CACNG2: variants seen among roughly 807,000 people sequenced by gnomAD.
The protein encoded by CACNG2 is voltage-dependent calcium channel gamma-2 subunit.
A neutral mutation model predicts 25.9 loss-of-function variants in CACNG2; 3 were observed. The observed-to-expected ratio is 0.12, with a 90% CI of 0.05 to 0.30. The LOEUF is 0.30. CACNG2 is among the 10% of genes least tolerant of loss of function. The probability of loss-of-function intolerance (pLI) is 1.00; values close to 1 mark genes in which losing one functional copy is unlikely to be tolerated. For synonymous variants in CACNG2, 167 were observed against 173.3 expected (o/e 0.96, Z 0.29); for missense variants, 341 against 432.5 (o/e 0.79, Z 1.88).
Position 36,608,022 on chromosome 22 carries a change from G to A in CACNG2, c.212-20474C>T, listed in dbSNP as rs556126642. Among the ~76,000 whole-genome samples, 6 of 152,302 alleles carry A rather than the reference G, an allele frequency of 3.9e-5. No individual in the cohort carries two copies. In the South Asian group the frequency reaches 1.0e-3, roughly 26 times the overall value. On this transcript the variant is annotated intron_variant, in intron 1 of 3. Coordinates refer to ENST00000300105, the MANE Select transcript of CACNG2 (RefSeq NM_006078.5). The stretch of plus-strand genomic sequence containing the variant: ...GTAAGCATCTCCAACTTTGCACCTT[G>A]CTTGCTTTACCCTAGTTGGGCCCTG...
chr22:36,647,810 C>A (rs1398923113), intron 1 of CACNG2, among the ~76,000 whole-genome samples: 1 of 152,202 alleles, frequency 6.6e-6, no homozygotes, highest in Non-Finnish European at 1.5e-5. Context: ...TTGAGTCACA[C>A]ACTCTCCTAG....
chr22:36,694,941 C>A (rs1392674636), intron 1 of CACNG2, among the ~76,000 whole-genome samples: 2 of 152,286 alleles, frequency 1.3e-5, no homozygotes, highest in East Asian at 3.9e-4. Flanking sequence ...AAGAGCCAGG[C>A]ACAGAGGCTC....
chr22:36,628,047 A>T (rs181228496), intron 1 of CACNG2, among the ~76,000 whole-genome samples: 43 of 152,338 alleles, frequency 2.8e-4, no homozygotes, highest in Admixed American at 1.7e-3. Flanking sequence ...AAAAAAGGCA[A>T]ATAACTTTCA....
chr22:36,643,130 T>TTC (rs1228710861), intron 1 of CACNG2, among the ~76,000 whole-genome samples: 2 of 150,778 alleles, frequency 1.3e-5, no homozygotes, highest in Non-Finnish European at 3.0e-5. Flanking sequence ...CTTTTTCTCT[T>TTC]TCTCTCTCTC....
intron 1 of CACNG2, among the ~76,000 whole-genome samples, chr22:36,613,693 T>C (rs1042970828): frequency 2.6e-5 from 4 of 152,136 alleles, no homozygotes; most frequent in Admixed American, 6.5e-5. Context: ...CACAAGTCTT[T>C]ATATACAACC....
At chr22:36,686,521 T>C (rs1306285552) in intron 1 of CACNG2, among the ~76,000 whole-genome samples, 2 of 152,158 alleles carry the variant, frequency 1.3e-5, no homozygotes, top group Admixed American at 6.5e-5. Context: ...AGGCATGCAA[T>C]GGGCCTGCCT....
chr22:36,587,603 A>G (rs1603500935), intron 1 of CACNG2, 55 bp from the exon 2 acceptor site: 2 of 1,243,988 alleles, frequency 1.6e-6, no homozygotes, highest in Non-Finnish European at 1.2e-6. Flanking sequence ...GGGGGCGCTT[A>G]GGGCCCACCT....
intron 1 of CACNG2, among the ~76,000 whole-genome samples, chr22:36,674,503 AT>A (rs1432207984): frequency 5.3e-5 from 8 of 151,706 alleles, no homozygotes; most frequent in Admixed American, 4.6e-4. Flanking sequence ...TAATTTTTGT[AT>A]TTTCAGTACA....
rs113036804 is a variant in CACNG2 at position 36,653,380 on chromosome 22, G to A, written c.211+48986C>T. Among the ~76,000 whole-genome samples the A allele has an allele frequency of 3.0e-3, 397 of 130,372 alleles. 1 individual carries two copies. The highest frequency in any genetic ancestry group is 0.018 in the African/African-American group (388 of 21,050). 85.5% of individuals were successfully genotyped at this position (130,372 alleles called of 152,430 possible). ...AGTTGCTAACATTGAAAAATTGGGAGATGTCACATAAAACTTTGAATATTT... is the reference window on the plus strand; with the variant it reads ...AGTTGCTAACATTGAAAAATTGGGAAATGTCACATAAAACTTTGAATATTT... On this transcript the variant is annotated intron_variant, in intron 1 of 3. Transcript: ENST00000300105.
chr22:36,601,451 G>A (rs981010574), intron 1 of CACNG2, among the ~76,000 whole-genome samples: 2 of 152,194 alleles, frequency 1.3e-5, no homozygotes, highest in Middle Eastern at 3.4e-3. Flanking sequence ...TTTGGCTATT[G>A]TGAGTATTGC....
At chr22:36,632,222 G>A (rs982131561) in intron 1 of CACNG2, among the ~76,000 whole-genome samples, 2 of 151,866 alleles carry the variant, frequency 1.3e-5, no homozygotes, top group Non-Finnish European at 2.9e-5. Context: ...GGCTGCCCCA[G>A]ATGGTCTCTC....
At chr22:36,658,984 C>G (rs1384257020) in intron 1 of CACNG2, among the ~76,000 whole-genome samples, 2 of 151,998 alleles carry the variant, frequency 1.3e-5, no homozygotes, top group African/African-American at 4.8e-5. Context: ...CGGTGGCTCT[C>G]CGAAGTGTAT....
At chr22:36,612,828 C>A (rs1180979082) in intron 1 of CACNG2, among the ~76,000 whole-genome samples, 2 of 152,198 alleles carry the variant, frequency 1.3e-5, no homozygotes, top group African/African-American at 4.8e-5. Flanking sequence ...CCAAAGAAGT[C>A]TTTTGTCCTA....
At chr22:36,645,502 A>G (rs1461469852) in intron 1 of CACNG2, among the ~76,000 whole-genome samples, 1 of 146,056 alleles carries the variant, frequency 6.8e-6, no homozygotes, top group Non-Finnish European at 1.5e-5. Flanking sequence ...GCGCCACTGC[A>G]CTCCAGCCTG....
Position 36,626,080 on chromosome 22 carries a change from C to T in CACNG2, c.212-38532G>A, listed in dbSNP as rs142047159. On this transcript the variant is annotated intron_variant, in intron 1 of 3. Transcript: ENST00000300105. ...GAATACAGGTGCCCGCCACCATGCC[C>T]GGCTAACTTTTGTATTTTTAGTAGA... 8.9e-3 allele frequency among the ~76,000 whole-genome samples: 1,359 copies of T among 152,254 alleles called. 26 individuals are homozygous for T. The highest frequency in any genetic ancestry group is 0.03 in the African/African-American group (1,232 of 41,534).
At chr22:36,637,075 G>A (rs566334399) in intron 1 of CACNG2, among the ~76,000 whole-genome samples, 1 of 152,366 alleles carries the variant, frequency 6.6e-6, no homozygotes, top group Non-Finnish European at 1.5e-5. Flanking sequence ...AACATCTGCT[G>A]TGTGAGGCTC....
At chr22:36,620,562 A>G (rs185807529) in intron 1 of CACNG2, among the ~76,000 whole-genome samples, 19 of 152,372 alleles carry the variant, frequency 1.2e-4, no homozygotes, top group Non-Finnish European at 2.2e-4. Flanking sequence ...CTTATGAGTA[A>G]GACTCCCCAG....
chr22:36,595,868 G>A (rs946928252), intron 1 of CACNG2, among the ~76,000 whole-genome samples: 3 of 152,236 alleles, frequency 2.0e-5, no homozygotes, highest in African/African-American at 4.8e-5. Context: ...AAGGCCAAGG[G>A]CTGTGCCGTG....
chr22:36,640,153 T>C (rs1444080860), intron 1 of CACNG2, among the ~76,000 whole-genome samples: 1 of 152,088 alleles, frequency 6.6e-6, no homozygotes, highest in African/African-American at 2.4e-5. Context: ...CCAGTTAATA[T>C]AGTTGTGCCT....
Sources: gnomAD v4.1 joint callset for allele counts (sites outside exome capture counted in the v4.1 genomes callset) on GRCh38, gnomAD v4.1.1 for gene constraint, MANE v1.5 for transcripts, NCBI Gene and HGNC (gene_info 2026-07-23, HGNC 2026-07-21) for gene names.